The following LAMA2 variants were observed in gnomAD, a reference collection of about 807,000 sequenced individuals.
LAMA2 encodes the protein laminin subunit alpha-2.
A neutral mutation model predicts 364.8 loss-of-function variants in LAMA2; 269 were observed. That is an observed-to-expected ratio of 0.74 (90% confidence interval 0.67 to 0.82). The LOEUF (loss-of-function observed/expected upper bound fraction) is 0.82. LAMA2 is among the 40% of genes least tolerant of loss of function. LAMA2 has a pLI of 0.00. For missense variants in LAMA2, 3,807 were observed against 3,873.2 expected, an observed-to-expected ratio of 0.98 and a Z score of 0.45; for synonymous variants, 1,379 against 1,370.6, an observed-to-expected ratio of 1.01 and a Z score of -0.14.
At chr6:129,020,251 C>T (rs537534583) in intron 1 of LAMA2, among the ~76,000 whole-genome samples, 1 of 152,208 alleles carries the variant, frequency 6.6e-6, no homozygotes, top group African/African-American at 2.4e-5. Context: ...TGGTAATCTC[C>T]ATACTTATTC....
intron 22 of LAMA2, among the ~76,000 whole-genome samples, chr6:129,303,279 T>C (rs904408390): frequency 6.6e-6 from 1 of 152,206 alleles, no homozygotes; most frequent in African/African-American, 2.4e-5. Context: ...ATTATTTTTA[T>C]ACCTTATCCT....
chr6:129,099,125 G>GTT (rs370334822), intron 4 of LAMA2, among the ~76,000 whole-genome samples: 4,498 of 129,374 alleles, frequency 0.035, 129 homozygotes, highest in African/African-American at 0.072. Flanking sequence ...TTTTTTTTTT[G>GTT]TTTTTTTTTT....
At chr6:129,052,752 A>T (rs985482302) in intron 2 of LAMA2, among the ~76,000 whole-genome samples, 11 of 151,844 alleles carry the variant, frequency 7.2e-5, no homozygotes, top group Non-Finnish European at 1.3e-4. Context: ...AAGTAGTTTC[A>T]TTGCTCTTTT....
intron 3 of LAMA2, among the ~76,000 whole-genome samples, chr6:129,066,834 T>C (rs1033551769): frequency 6.6e-6 from 1 of 152,226 alleles, no homozygotes; most frequent in African/African-American, 2.4e-5. Context: ...TTGAACTGTC[T>C]GTCCAGTGAA....
intron 1 of LAMA2, among the ~76,000 whole-genome samples, chr6:128,892,301 G>A (rs1776501013): frequency 6.6e-6 from 1 of 151,880 alleles, no homozygotes; most frequent in African/African-American, 2.4e-5. Flanking sequence ...CCTATAATTA[G>A]CTAACAGTTA....
Position 129,451,017 on chromosome 6 carries a change from A to G in LAMA2, c.6430-1971A>G, listed in dbSNP as rs968497014. ...TCCTGAACATTAAAAATATCTGAAG[A>G]CCATATTTTTCCCACCTGCCCTCTA... On this transcript the variant is annotated intron_variant, in intron 45 of 64. Coordinates refer to ENST00000421865, the MANE Select transcript of LAMA2 (RefSeq NM_000426.4). Among the ~76,000 whole-genome samples the G allele has an allele frequency of 2.0e-5, 3 of 152,082 alleles. No individual in the cohort carries two copies. In the East Asian group the frequency reaches 5.8e-4, roughly 29 times the overall value.
chr6:129,158,088 A>G, intron 8 of LAMA2: 1 of 1,612,228 alleles, frequency 6.2e-7, no homozygotes, highest in East Asian at 2.2e-5. Flanking sequence ...TTCTGTGTGC[A>G]GGTGGCACAG....
At position 129,218,527 on chromosome 6, in the gene LAMA2, C is replaced by A. The variant is rs1308303893; in HGVS notation, c.1782+25674C>A. Among the ~76,000 whole-genome samples the A allele has an allele frequency of 5.3e-5, 8 of 152,162 alleles. No individual in the cohort carries two copies. The East Asian group carries it at 1.4e-3, about 26-fold the overall frequency. On this transcript the variant is annotated intron_variant, in intron 12 of 64. Transcript: ENST00000421865. ...GAACTACCTCTACAATATAAGATAG[C>A]AGTAGGCTGTAAGTTAAAATAATCA...
At chr6:129,284,088 A>C (rs1788926466) in intron 18 of LAMA2, among the ~76,000 whole-genome samples, 1 of 152,108 alleles carries the variant, frequency 6.6e-6, no homozygotes, top group African/African-American at 2.4e-5. Flanking sequence ...TATGTCTAGA[A>C]AGGACAATTT....
chr6:129,484,202 A>G lies in LAMA2; in HGVS notation c.7750-2272A>G, dbSNP rs944499002. On this transcript the variant is annotated intron_variant, in intron 55 of 64. Transcript: ENST00000421865. ...ACAGGGAATACAGTCCTTGTCCCCAAAAGGGGAAAAGCTCACTGCAGTTTA... is the reference window on the plus strand; with the variant it reads ...ACAGGGAATACAGTCCTTGTCCCCAGAAGGGGAAAAGCTCACTGCAGTTTA... Among the ~76,000 whole-genome samples the G allele has an allele frequency of 1.5e-4, 23 of 152,332 alleles. 1 individual carries two copies. Among genetic ancestry groups the G allele is most frequent in the African/African-American group, 5.3e-4 (22 of 41,590 alleles).
chr6:129,005,195 T>C (rs1784370639), intron 1 of LAMA2, among the ~76,000 whole-genome samples: 1 of 152,084 alleles, frequency 6.6e-6, no homozygotes. Context: ...AGTTTTTATG[T>C]AAGCCCATGA....
intron 3 of LAMA2, among the ~76,000 whole-genome samples, chr6:129,065,944 T>A (rs1410816602): frequency 6.6e-6 from 1 of 151,398 alleles, no homozygotes; most frequent in East Asian, 1.9e-4. Flanking sequence ...ACAGGACTCC[T>A]CCTTACCTTC....
intron 45 of LAMA2, among the ~76,000 whole-genome samples, chr6:129,446,871 G>C (rs1004511139): frequency 1.3e-5 from 2 of 151,740 alleles, no homozygotes. Flanking sequence ...AGGAATTCAC[G>C]ACTGACTGAA....
At chr6:129,158,288 G>A in intron 8 of LAMA2, 3 of 1,614,038 alleles carry the variant, frequency 1.9e-6, no homozygotes, top group Non-Finnish European at 1.7e-6. Flanking sequence ...GCACAGTTTG[G>A]TAGATTTCTG....
chr6:129,061,869 A>T (rs1408002161), intron 3 of LAMA2, among the ~76,000 whole-genome samples: 2 of 152,230 alleles, frequency 1.3e-5, no homozygotes, highest in Non-Finnish European at 2.9e-5. Flanking sequence ...GATGGTGTCC[A>T]TCCATATCCT....
intron 12 of LAMA2, among the ~76,000 whole-genome samples, chr6:129,238,915 G>A (rs62420986): frequency 0.014 from 2,155 of 151,190 alleles, 22 homozygotes; most frequent in Middle Eastern, 0.037. Context: ...TGTATTATCT[G>A]TAGCTTGCTA....
At chr6:129,052,042 T>A (rs536860302) in intron 2 of LAMA2, among the ~76,000 whole-genome samples, 37 of 150,452 alleles carry the variant, frequency 2.5e-4, no homozygotes, top group African/African-American at 8.8e-4. Context: ...AAGGAGGTAA[T>A]AACGTGAATA....
intron 29 of LAMA2, among the ~76,000 whole-genome samples, chr6:129,335,357 T>TAGAC (rs1282841303): frequency 2.6e-5 from 1 of 38,426 alleles, no homozygotes; most frequent in East Asian, 9.8e-4. Flanking sequence ...AGTAAGTAGG[T>TAGAC]AGATAGATAG....
chr6:129,186,758 A>C (rs1781251697), intron 10 of LAMA2, among the ~76,000 whole-genome samples: 1 of 151,710 alleles, frequency 6.6e-6, no homozygotes, highest in African/African-American at 2.4e-5. Flanking sequence ...TCCACCTTGT[A>C]ATATAATTAT....
Sources: gnomAD v4.1 joint callset for allele counts (sites outside exome capture counted in the v4.1 genomes callset) on GRCh38, gnomAD v4.1.1 for gene constraint, MANE v1.5 for transcripts, NCBI Gene and HGNC (gene_info 2026-07-23, HGNC 2026-07-21) for gene names.